The following FHIP2B variants were observed in gnomAD, a reference collection of about 807,000 sequenced individuals.
The protein encoded by FHIP2B is FHF complex subunit HOOK interacting protein 2B.
A neutral mutation model predicts 84.0 loss-of-function variants in FHIP2B; 72 were observed. The ratio of observed to expected loss-of-function variants is 0.86; its 90% confidence interval spans 0.71 to 1.04. FHIP2B has a LOEUF of 1.04. Ranked by LOEUF, FHIP2B falls within the 50% of genes least tolerant of loss-of-function variation. The pLI, the probability that FHIP2B is intolerant of heterozygous loss-of-function variation, is 0.00. For synonymous variants in FHIP2B, 497 were observed against 418.7 expected (o/e 1.19, Z -2.28); for missense variants, 972 against 968.9 (o/e 1.00, Z -0.04).
intron 10 of FHIP2B, chr8:22,100,344 T>A (rs1055001988): frequency 2.3e-6 from 1 of 438,358 alleles, no homozygotes; most frequent in African/African-American, 2.0e-5. Context: ...ACATGGAAAG[T>A]AAGGCACGGA....
intron 1 of FHIP2B, chr8:22,089,737 C>T (rs1472884484): frequency 1.5e-5 from 19 of 1,252,540 alleles, no homozygotes; most frequent in East Asian, 5.9e-5. Flanking sequence ...ATCGCCGTCC[C>T]TTCCCCTCGG....
At chr8:22,090,598 CTCAGTCCTGAGGAGTGAAT>C (rs1825438824) in intron 1 of FHIP2B, among the ~76,000 whole-genome samples, 1 of 152,180 alleles carries the variant, frequency 6.6e-6, no homozygotes, top group Non-Finnish European at 1.5e-5. Flanking sequence ...CAGACAGTTC[CTCAGTCCTGAGGAGTGAAT>C]TTCTTTCTTT....
chr8:22,092,557 G>A (rs1267260203), intron 1 of FHIP2B, among the ~76,000 whole-genome samples: 1 of 129,030 alleles, frequency 7.8e-6, no homozygotes, highest in Non-Finnish European at 1.6e-5. Context: ...CTCAGTGACG[G>A]TGAGACTCTT....
Position 22,099,830 on chromosome 8 carries a change from CG to C in FHIP2B, c.1282del (p.Asp428ThrfsTer69). 1 of 1,613,122 alleles carries C rather than the reference CG, an allele frequency of 6.2e-7. No individual in the cohort carries two copies. Among genetic ancestry groups the C allele is most frequent in the Non-Finnish European group, 8.5e-7 (1 of 1,179,676 alleles). ...GCACAGACCGGCAGCCTGAAGCCCC[CG>C]GGGACAACCCCCACACCCTGTATGC... ...LGTDRQPEAP[G>X]DNPHTLYAHL... On this transcript the variant is annotated frameshift_variant, in exon 10 of 17. Transcript: ENST00000289921. LOFTEE classifies it high-confidence loss of function.
In FHIP2B at chr8:22,101,829, G is replaced by T. The variant is rs200188247; in HGVS notation, c.1829G>T (p.Arg610Leu). The T allele has an allele frequency of 1.9e-6, 3 of 1,613,316 alleles. No individual in the cohort carries two copies. The highest frequency in any genetic ancestry group is 2.5e-6 in the Non-Finnish European group (3 of 1,179,704). ...EGHFLRVLFD[R>L]MSRILDQPYS... Reference sequence around the variant, plus strand: ...CACTTCCTCCGAGTGCTGTTTGACCGCATGTCCCGGATTCTGGATCAGGTA... The same window carrying T: ...CACTTCCTCCGAGTGCTGTTTGACCTCATGTCCCGGATTCTGGATCAGGTA... Residue 610 changes from arginine to leucine, a missense_variant, in exon 14 of 17, where the codon CGC (arginine) becomes CTC (leucine). Transcript: ENST00000289921.
At position 22,098,493 on chromosome 8, in the gene FHIP2B, C is replaced by G; in HGVS notation, c.839C>G (p.Ala280Gly). 6.2e-7 allele frequency: 1 copy of G among 1,613,152 alleles called. No individual in the cohort carries two copies. Among genetic ancestry groups the G allele is most frequent in the Middle Eastern group, 1.7e-4 (1 of 6,056 alleles). The change falls in exon 7 of 17, where the codon GCC becomes GGC. Residue 280 changes from alanine to glycine, a missense_variant. Ala to Gly is a moderately conservative substitution (Grantham distance 60, BLOSUM62 0). Coordinates refer to ENST00000289921, the MANE Select transcript of FHIP2B (RefSeq NM_022749.7). ...GTGAGCATGGCCTCCCCAGCAGCTG[C>G]CACCTACCTGGTACAGAGCAGCGCC... ...LLVSMASPAAATYLVQSSACC... is the reference protein window; with the variant it reads ...LLVSMASPAAGTYLVQSSACC...
At chr8:22,093,421 C>T (rs1825597934) in intron 1 of FHIP2B, among the ~76,000 whole-genome samples, 1 of 152,014 alleles carries the variant, frequency 6.6e-6, no homozygotes, top group Non-Finnish European at 1.5e-5. Flanking sequence ...AGAGAGCACT[C>T]ATGGAAAAGG....
intron 8 of FHIP2B, 66 bp from the exon 9 acceptor site, chr8:22,099,218 A>G (rs1478301489): frequency 1.7e-5 from 27 of 1,584,186 alleles, no homozygotes; most frequent in Non-Finnish European, 2.2e-5. Flanking sequence ...GCCGCGCAAG[A>G]ACACGGTTAT....
rs62494022 is a variant in FHIP2B, at chr8:22,101,496, G to A, written c.1673G>A (p.Gly558Asp). 5 of 1,612,822 alleles carry A rather than the reference G, an allele frequency of 3.1e-6. No homozygotes were observed. Among genetic ancestry groups the A allele is most frequent in the South Asian group, 1.1e-5 (1 of 90,856 alleles). Residue 558 changes from glycine to aspartate, a missense_variant, in exon 13 of 17, where the codon GGC becomes GAC. Gly to Asp is a moderately conservative substitution (Grantham distance 94). Transcript: ENST00000289921. Reference protein sequence around the residue: ...AKTSAFLEETGYDTYVHDAYG... With the variant: ...AKTSAFLEETDYDTYVHDAYG... ...ACCTCTGCCTTCCTGGAGGAGACAG[G>A]CTATGACACATACGTCCACGATGCT...
chr8:22,095,363 T>A (rs1825705324), intron 2 of FHIP2B: 1 of 152,228 alleles, frequency 6.6e-6, no homozygotes. Context: ...CGGTGTGGGA[T>A]GTGCAGCAGT....
intron 11 of FHIP2B, 51 bp downstream of exon 11, chr8:22,100,790 C>T (rs1010619406): frequency 6.2e-6 from 10 of 1,612,290 alleles, no homozygotes; most frequent in South Asian, 3.3e-5. Flanking sequence ...AGCACTCGCA[C>T]GCTCACTCTG....
chr8:22,091,332 A>G (rs1011826428), intron 1 of FHIP2B, among the ~76,000 whole-genome samples: 22 of 144,506 alleles, frequency 1.5e-4, no homozygotes, highest in Non-Finnish European at 3.2e-4. Flanking sequence ...GCTGACTGCA[A>G]CCTCCACCTC....
chr8:22,089,881 C>T (rs1446954654), intron 1 of FHIP2B: 18 of 1,250,528 alleles, frequency 1.4e-5, no homozygotes, highest in South Asian at 6.2e-5. Context: ...GGCTGGTGGG[C>T]CCCCAGCCGG....
At chr8:22,100,109 C>T in intron 10 of FHIP2B, 1 of 533,884 alleles carries the variant, frequency 1.9e-6, no homozygotes, top group Non-Finnish European at 3.2e-6. Context: ...CTCTATCACC[C>T]AGGCCCTGGA....
chr8:22,095,592 C>CCCCCATCCAGCCCTTTCTGGAA (rs1825722125), intron 2 of FHIP2B: 1 of 152,264 alleles, frequency 6.6e-6, no homozygotes, highest in African/African-American at 2.4e-5. Context: ...CCTGGGGCTT[C>CCCCCATCCAGCCCTTTCTGGAA]CCCCATCCAG....
At position 22,094,472 on chromosome 8, in the gene FHIP2B, C is replaced by A. The variant is rs957955054; in HGVS notation, c.78C>A (p.Phe26Leu). 1.9e-6 allele frequency: 3 copies of A among 1,611,582 alleles called. No homozygotes were observed. The highest frequency in any genetic ancestry group is 2.5e-6 in the Non-Finnish European group (3 of 1,178,958). ...CCAGCATTGACCTGCTGCAGGCCTT[C>A]GTGGAGCACTGGAAGGGCATCACGC... ...REPSIDLLQA[F>L]VEHWKGITHY... The change falls in exon 2 of 17, where the codon TTC (phenylalanine) becomes TTA (leucine). Residue 26 changes from phenylalanine (F) to leucine (L), a missense_variant. Phe to Leu is a conservative substitution (Grantham distance 22). Coordinates refer to ENST00000289921, the MANE Select transcript of FHIP2B (RefSeq NM_022749.7).
At chr8:22,102,385 C>T (rs1826173470) in intron 15 of FHIP2B, 70 bp downstream of exon 15, 45 of 1,455,712 alleles carry the variant, frequency 3.1e-5, no homozygotes, top group Non-Finnish European at 4.0e-5. Context: ...GGGAACGGGG[C>T]AGGTGGTTGG....
intron 8 of FHIP2B, 51 bp downstream of exon 8, chr8:22,099,107 C>A: frequency 6.6e-7 from 1 of 1,518,258 alleles, no homozygotes; most frequent in African/African-American, 1.4e-5. Flanking sequence ...CCTGTACCAT[C>A]TCCATCTCGA....
chr8:22,101,486 G>A lies in FHIP2B; in HGVS notation c.1663G>A (p.Glu555Lys). ...GGAAGCCAAGACCTCTGCCTTCCTG[G>A]AGGAGACAGGCTATGACACATACGT... The part of the protein sequence containing the change: ...PEEAKTSAFL[E>K]ETGYDTYVHD... Residue 555 changes from glutamate to lysine, a missense_variant, in exon 13 of 17, where the codon GAG (glutamate) becomes AAG (lysine). Transcript: ENST00000289921. The A allele has an allele frequency of 6.2e-7, 1 of 1,612,916 alleles. No homozygotes were observed. The highest frequency in any genetic ancestry group is 8.5e-7 in the Non-Finnish European group (1 of 1,179,338).
Sources: allele counts gnomAD v4.1 joint callset (sites outside exome capture counted in the v4.1 genomes callset), GRCh38; gene constraint gnomAD v4.1.1; transcripts MANE v1.5; gene names NCBI Gene and HGNC (gene_info 2026-07-23, HGNC 2026-07-21).